The following ZHX1 variants were observed in gnomAD, a reference collection of about 807,000 sequenced individuals.
ZHX1 encodes the protein zinc fingers and homeoboxes protein 1.
A neutral mutation model predicts 61.8 loss-of-function variants in ZHX1; 20 were observed. The ratio of observed to expected loss-of-function variants is 0.32; its 90% CI spans 0.23 to 0.47. The LOEUF is 0.47. Ranked by LOEUF, ZHX1 falls within the 20% of genes least tolerant of loss-of-function variation. The pLI is 1.00. For missense variants in ZHX1, 800 were observed against 1,034.8 expected, an observed-to-expected ratio of 0.77 and a Z score of 3.11; for synonymous variants, 318 against 352.6, an observed-to-expected ratio of 0.90 and a Z score of 1.10.
At chr8:123,266,185 G>A (rs987471838) in intron 2 of ZHX1, among the ~76,000 whole-genome samples, 1 of 152,122 alleles carries the variant, frequency 6.6e-6, no homozygotes, top group Admixed American at 6.5e-5. Flanking sequence ...GAATGTGATC[G>A]AAAAGTCATT....
intron 2 of ZHX1, among the ~76,000 whole-genome samples, chr8:123,260,932 G>C (rs1323480029): frequency 1.3e-5 from 2 of 152,048 alleles, no homozygotes; most frequent in East Asian, 3.9e-4. Context: ...TGAGGCAGGA[G>C]AATCACTTGA....
Position 123,254,833 on chromosome 8 carries a change from T to C in ZHX1, c.1114A>G (p.Thr372Ala), listed in dbSNP as rs1478987378. 5 of 1,614,100 alleles carry C rather than the reference T, an allele frequency of 3.1e-6. No individual in the cohort carries two copies. In the African/African-American group the frequency reaches 5.3e-5, roughly 17 times the overall value. ...TVPQTITVIP[T>A]HISTGSNGLP... is the part of the protein sequence containing the mutation. ...CCATTACTCCCTGTGGAAATGTGTG[T>C]AGGAATAACAGTTATGGTCTGAGGT... The change falls in exon 3 of 4, where the codon ACA (threonine) becomes GCA (alanine). Residue 372 changes from threonine (T) to alanine (A), a missense_variant. Coordinates refer to ENST00000395571, the MANE Select transcript of ZHX1 (RefSeq NM_007222.5). This position sits in a 1 kb window ranked among gnomAD's most constrained non-coding sequence, Gnocchi z 4.1.
chr8:123,269,669 C>G (rs370976642), intron 1 of ZHX1, among the ~76,000 whole-genome samples: 4 of 152,170 alleles, frequency 2.6e-5, no homozygotes, highest in African/African-American at 9.7e-5. Flanking sequence ...GCCCCATCAT[C>G]TATAAATGGG....
intron 2 of ZHX1, among the ~76,000 whole-genome samples, chr8:123,266,091 G>A (rs563296098): frequency 6.6e-6 from 1 of 152,258 alleles, no homozygotes; most frequent in South Asian, 2.1e-4. Flanking sequence ...ACAGCTGGCA[G>A]GTAGGTAGGT....
rs1248798068 is a variant in ZHX1, at chr8:123,251,170, C to T, written c.*4-850G>A. On this transcript the variant is annotated intron_variant, in intron 3 of 3. Coordinates refer to ENST00000395571, the MANE Select transcript of ZHX1 (RefSeq NM_007222.5). ...TTGTTTGAAAGTTGTGTGGAACATC[C>T]CCTTTCGCTCTCTCTCCTGTTCGGT... Among the ~76,000 whole-genome samples the T allele has an allele frequency of 5.3e-5, 8 of 152,046 alleles. No homozygotes were observed. The South Asian group carries it at 1.5e-3, about 28-fold the overall frequency.
chr8:123,258,045 G>A (rs895683427), intron 2 of ZHX1, among the ~76,000 whole-genome samples: 2 of 152,088 alleles, frequency 1.3e-5, no homozygotes, highest in African/African-American at 4.8e-5. Flanking sequence ...CTATAATTTG[G>A]ATGTTTGATC....
Position 123,254,715 on chromosome 8 carries a change from G to C in ZHX1, c.1232C>G (p.Ala411Gly). ...VAGTNTLPVT[A>G]PIALTVAGVP... Reference sequence around the variant, plus strand: ...GCCTGCCACTGTCAAGGCTATAGGTGCTGTAACTGGCAAGGTGTTTGTTCC... The same window carrying C: ...GCCTGCCACTGTCAAGGCTATAGGTCCTGTAACTGGCAAGGTGTTTGTTCC... Residue 411 changes from alanine (A) to glycine (G), a missense_variant, in exon 3 of 4, where the codon GCA becomes GGA. Coordinates refer to ENST00000395571, the MANE Select transcript of ZHX1 (RefSeq NM_007222.5). The surrounding 1 kb of genome is among the most constrained non-coding windows in gnomAD (Gnocchi z 4.1). 1 of 1,614,168 alleles carries C rather than the reference G, an allele frequency of 6.2e-7. No individual in the cohort carries two copies. The highest frequency in any genetic ancestry group is 8.5e-7 in the Non-Finnish European group (1 of 1,180,020).
At chr8:123,252,277 G>C (rs2131186151) in intron 3 of ZHX1, among the ~76,000 whole-genome samples, 1 of 152,196 alleles carries the variant, frequency 6.6e-6, no homozygotes, top group East Asian at 1.9e-4. Context: ...CCAAAACAAA[G>C]AATAGCAAAG....
At chr8:123,263,817 G>A (rs529510857) in intron 2 of ZHX1, among the ~76,000 whole-genome samples, 1 of 151,418 alleles carries the variant, frequency 6.6e-6, no homozygotes, top group East Asian at 1.9e-4. Flanking sequence ...CTGGGCGACA[G>A]AAGAAGACTC....
In ZHX1 at chr8:123,267,748, T is replaced by C. The variant is rs577104557; in HGVS notation, c.-339-362A>G. On this transcript the variant is annotated intron_variant, in intron 1 of 3. Transcript: ENST00000395571. ...CGGGCGCGGTGGCTCACACCTGTAA[T>C]CCCAGCACTTCGGGAGGCCAAGGCC... Among the ~76,000 whole-genome samples, 15 of 152,320 alleles carry C rather than the reference T, an allele frequency of 9.8e-5. No individual in the cohort carries two copies. In the East Asian group the frequency reaches 2.5e-3, roughly 25 times the overall value.
intron 2 of ZHX1, among the ~76,000 whole-genome samples, chr8:123,261,271 A>T (rs1475363677): frequency 6.6e-6 from 1 of 152,192 alleles, no homozygotes; most frequent in Non-Finnish European, 1.5e-5. Flanking sequence ...CAAGGATCTT[A>T]ATCTTAGTAC....
chr8:123,254,801 T>C lies in ZHX1; in HGVS notation c.1146A>G (p.Pro382=), dbSNP rs760326928. Residue 382 remains proline, a synonymous_variant, in exon 3 of 4, where the codon CCA becomes CCG. Coordinates refer to ENST00000395571, the MANE Select transcript of ZHX1 (RefSeq NM_007222.5). This position sits in a 1 kb window ranked among gnomAD's most constrained non-coding sequence, Gnocchi z 4.1. ...CTATTTGGCATGTCTGTAAAATAGA[T>C]GGTAAACCATTACTCCCTGTGGAAA... ...THISTGSNGL[P]SILQTCQIVG... is the part of the protein sequence containing the mutation. 7 of 1,614,210 alleles carry C rather than the reference T, an allele frequency of 4.3e-6. No individual in the cohort carries two copies. The highest frequency in any genetic ancestry group is 1.1e-5 in the South Asian group (1 of 91,082).
intron 2 of ZHX1, among the ~76,000 whole-genome samples, chr8:123,263,542 T>A (rs943428546): frequency 2.0e-5 from 3 of 152,082 alleles, no homozygotes; most frequent in African/African-American, 7.2e-5. Flanking sequence ...TGCTAAAAAG[T>A]ATCTTTAGGC....
intron 2 of ZHX1, among the ~76,000 whole-genome samples, chr8:123,260,676 A>G (rs1189337496): frequency 2.6e-5 from 4 of 152,160 alleles, no homozygotes; most frequent in Admixed American, 2.6e-4. Flanking sequence ...AGTTTCATCA[A>G]AAATCCTCCT....
intron 2 of ZHX1, among the ~76,000 whole-genome samples, chr8:123,261,320 G>C (rs1412828029): frequency 1.3e-5 from 2 of 152,174 alleles, no homozygotes; most frequent in African/African-American, 4.8e-5. Context: ...CCCAGGCCCA[G>C]AGTAATTAAT....
At position 123,249,779 on chromosome 8, in the gene ZHX1, T is replaced by C. The variant is rs1447435760; in HGVS notation, c.*545A>G. On this transcript the variant is annotated 3_prime_UTR_variant, in exon 4 of 4. Transcript: ENST00000395571. ...TTACATTTGAAATTGTATAAGCCCATGCACAACTTTTAATCTTAGTGCAGG... is the reference window on the plus strand; with the variant it reads ...TTACATTTGAAATTGTATAAGCCCACGCACAACTTTTAATCTTAGTGCAGG... 2 of 152,122 alleles carry C rather than the reference T, an allele frequency of 1.3e-5. No homozygotes were observed. The highest frequency in any genetic ancestry group is 2.9e-5 in the Non-Finnish European group (2 of 68,052). The allele number at this position is 152,122 out of a possible 1,614,324, so 9.4% of individuals were successfully genotyped here.
intron 3 of ZHX1, among the ~76,000 whole-genome samples, chr8:123,251,828 T>C (rs1222216533): frequency 6.6e-6 from 1 of 152,166 alleles, no homozygotes; most frequent in Non-Finnish European, 1.5e-5. Context: ...TAACCTGGAA[T>C]GATATTTATA....
chr8:123,259,711 A>C (rs1374470250), intron 2 of ZHX1, among the ~76,000 whole-genome samples: 1 of 152,208 alleles, frequency 6.6e-6, no homozygotes, highest in Non-Finnish European at 1.5e-5. Context: ...GAGAGAGACT[A>C]TATTTAATTG....
intron 2 of ZHX1, among the ~76,000 whole-genome samples, chr8:123,259,202 C>G (rs1826168305): frequency 6.6e-6 from 1 of 152,162 alleles, no homozygotes; most frequent in Non-Finnish European, 1.5e-5. Context: ...TAAAGAGCAT[C>G]AGTTTAAAAA....
Sources: allele counts gnomAD v4.1 joint callset (sites outside exome capture counted in the v4.1 genomes callset), GRCh38; gene constraint gnomAD v4.1.1; non-coding constraint Gnocchi (gnomAD v3.1); transcripts MANE v1.5; gene names NCBI Gene and HGNC (gene_info 2026-07-23, HGNC 2026-07-21).